Variants in GALNT13 observed in about 807,000 individuals in gnomAD.
GALNT13 encodes the protein UDP-GalNAc:polypeptide N-acetylgalactosaminyltransferase 13.
GALNT13 carries 28 observed loss-of-function variants against 64.2 expected under a neutral mutation model. That is an observed-to-expected ratio of 0.44 (90% CI 0.32 to 0.60). GALNT13 has a LOEUF of 0.60. Ranked by LOEUF, GALNT13 falls within the 20% of genes least tolerant of loss-of-function variation. GALNT13 has a pLI of 0.05. For synonymous variants in GALNT13, 214 were observed against 224.6 expected (o/e 0.95, Z 0.42); for missense variants, 577 against 669.8 (o/e 0.86, Z 1.53).
chr2:154,138,558 C>A (rs1683077783), intron 3 of GALNT13, among the ~76,000 whole-genome samples: 1 of 144,208 alleles, frequency 6.9e-6, no homozygotes, highest in Non-Finnish European at 1.5e-5. Flanking sequence ...ATTAAAGTTA[C>A]AGTCCAAGAT....
chr2:154,419,835 G>A (rs568324741), intron 11 of GALNT13, among the ~76,000 whole-genome samples: 2 of 152,234 alleles, frequency 1.3e-5, no homozygotes, highest in South Asian at 4.1e-4. Context: ...GTCTAAGAAG[G>A]CATCTTAGAA....
chr2:153,890,832 A>G (rs1482575880), intron 1 of GALNT13, among the ~76,000 whole-genome samples: 1 of 151,972 alleles, frequency 6.6e-6, no homozygotes, highest in Non-Finnish European at 1.5e-5. Flanking sequence ...AAACCTGAAT[A>G]GAGCAGAGCT....
the GALNT13 span, among the ~76,000 whole-genome samples, chr2:153,391,754 G>T: frequency 6.6e-6 from 1 of 151,766 alleles, no homozygotes; most frequent in Non-Finnish European, 1.5e-5. Flanking sequence ...GCAAAGTCTT[G>T]CTTCTGTGCC....
At chr2:153,932,655 C>G (rs1337324549) in intron 2 of GALNT13, among the ~76,000 whole-genome samples, 2 of 110,290 alleles carry the variant, frequency 1.8e-5, no homozygotes, top group South Asian at 2.8e-4. Context: ...GAGATGGAGT[C>G]TCGCTCTTGT....
At chr2:154,155,501 A>C (rs1684360236) in intron 4 of GALNT13, among the ~76,000 whole-genome samples, 1 of 152,038 alleles carries the variant, frequency 6.6e-6, no homozygotes, top group Admixed American at 6.6e-5. Flanking sequence ...TTTTCTGTGC[A>C]CATACCAGTT....
intron 11 of GALNT13, among the ~76,000 whole-genome samples, chr2:154,438,358 G>A (rs1527861): frequency 0.12 from 18,065 of 152,032 alleles, 1,205 homozygotes; most frequent in East Asian, 0.24. Flanking sequence ...GTATTTAAAG[G>A]TTTGTTTTGT....
In GALNT13 at chr2:154,242,746, C is replaced by T. The variant is rs762987864; in HGVS notation, c.527C>T (p.Pro176Leu). 6.8e-6 allele frequency: 11 copies of T among 1,613,580 alleles called. No individual in the cohort carries two copies. The highest frequency in any genetic ancestry group is 8.5e-6 in the Non-Finnish European group (10 of 1,179,668). ...AATTACGTGAAAAATTTAGAAGTGC[C>T]AGTAAAAATTATTAGGATGGAAGAA... ...LENYVKNLEV[P>L]VKIIRMEERS... is the part of the protein sequence containing the mutation. Residue 176 changes from proline to leucine, a missense_variant, in exon 6 of 13, where the codon CCA becomes CTA. Coordinates refer to ENST00000392825, the MANE Select transcript of GALNT13 (RefSeq NM_052917.4).
chr2:154,239,151 AG>A (rs1392168887), intron 4 of GALNT13, among the ~76,000 whole-genome samples: 3 of 152,192 alleles, frequency 2.0e-5, no homozygotes, highest in African/African-American at 7.2e-5. Flanking sequence ...ATGAATATAA[AG>A]GTAACATTTG....
At chr2:154,067,658 G>A (rs1398253255) in intron 3 of GALNT13, among the ~76,000 whole-genome samples, 1 of 152,032 alleles carries the variant, frequency 6.6e-6, no homozygotes, top group Admixed American at 6.6e-5. Context: ...GAGCTAAAAA[G>A]AGACAAAGAA....
the GALNT13 span, among the ~76,000 whole-genome samples, chr2:153,133,035 ATTTTTTT>A: frequency 4.6e-5 from 6 of 129,386 alleles, no homozygotes; most frequent in South Asian, 2.5e-4. Context: ...AACTGTGTTA[ATTTTTTT>A]TTTTTTTTTT....
intron 9 of GALNT13, among the ~76,000 whole-genome samples, chr2:154,306,614 T>TTGG (rs1158133673): frequency 2.8e-5 from 1 of 36,158 alleles, no homozygotes; most frequent in Non-Finnish European, 7.2e-5. Flanking sequence ...TAAGGATAAT[T>TTGG]TGGTGGGGGG....
intron 4 of GALNT13, among the ~76,000 whole-genome samples, chr2:154,161,661 T>C (rs929461523): frequency 1.1e-4 from 17 of 152,226 alleles, no homozygotes; most frequent in African/African-American, 3.9e-4. Context: ...ATTATTTAAA[T>C]GATGTGACAA....
chr2:153,223,541 ATCT>A, the GALNT13 span, among the ~76,000 whole-genome samples: 1 of 152,216 alleles, frequency 6.6e-6, no homozygotes, highest in African/African-American at 2.4e-5. Context: ...AAACTGGAAA[ATCT>A]TGAAATCTCT....
the GALNT13 span, among the ~76,000 whole-genome samples, chr2:153,611,038 C>A: frequency 6.6e-6 from 1 of 152,094 alleles, no homozygotes; most frequent in African/African-American, 2.4e-5. Context: ...GAAATATAGT[C>A]ATGATAAAGA....
At chr2:154,287,662 G>A (rs575656496) in intron 8 of GALNT13, among the ~76,000 whole-genome samples, 43 of 151,734 alleles carry the variant, frequency 2.8e-4, no homozygotes, top group South Asian at 6.2e-4. Flanking sequence ...TCCTATCTCC[G>A]TTTTAACGTT....
At chr2:154,356,420 A>C (rs1384847535) in intron 9 of GALNT13, among the ~76,000 whole-genome samples, 1 of 152,012 alleles carries the variant, frequency 6.6e-6, no homozygotes, top group African/African-American at 2.4e-5. Flanking sequence ...AGTGCTTTTT[A>C]ATCAGTTCTT....
At chr2:153,630,797 ATATATATATATTTTT>A in the GALNT13 span, among the ~76,000 whole-genome samples, 20 of 16,446 alleles carry the variant, frequency 1.2e-3, no homozygotes, top group African/African-American at 2.4e-3. Flanking sequence ...ATATATATAT[ATATATATATATTTTT>A]TTTTTTTTTT....
the GALNT13 span, among the ~76,000 whole-genome samples, chr2:153,367,150 GAAAAT>G: frequency 2.0e-5 from 3 of 151,944 alleles, no homozygotes; most frequent in Non-Finnish European, 2.9e-5. Context: ...TGAAATAAGT[GAAAAT>G]AAAATAAAAT....
At chr2:153,958,013 C>G (rs1692693106) in intron 3 of GALNT13, among the ~76,000 whole-genome samples, 1 of 152,184 alleles carries the variant, frequency 6.6e-6, no homozygotes, top group Non-Finnish European at 1.5e-5. Context: ...CACATGTACT[C>G]TAAGTATTCC....
Sources: gnomAD v4.1 joint callset for allele counts (sites outside exome capture counted in the v4.1 genomes callset) on GRCh38, gnomAD v4.1.1 for gene constraint, MANE v1.5 for transcripts, NCBI Gene and HGNC (gene_info 2026-07-23, HGNC 2026-07-21) for gene names.